ATP11B: variants seen among roughly 807,000 people sequenced by gnomAD.
The protein encoded by ATP11B is ATPase phospholipid transporting 11B (putative).
A neutral mutation model predicts 157.8 loss-of-function variants in ATP11B; 81 were observed. That is an observed-to-expected ratio of 0.51 (90% CI 0.43 to 0.62). ATP11B has a LOEUF of 0.62. ATP11B is among the 20% of genes least tolerant of loss of function. The pLI is 0.00. For synonymous variants in ATP11B, 451 were observed against 469.4 expected (o/e 0.96, Z 0.51); for missense variants, 1,165 against 1,402.2 (o/e 0.83, Z 2.70).
Position 182,918,237 on chromosome 3 carries a change from TATA to T in ATP11B, c.*136_*138del. 1 of 1,288,600 alleles carries T rather than the reference TATA, an allele frequency of 7.8e-7. No homozygotes were observed. Among genetic ancestry groups the T allele is most frequent in the Non-Finnish European group, 1.0e-6 (1 of 957,766 alleles). 79.8% of individuals were successfully genotyped at this position (1,288,600 alleles called of 1,614,324 possible). A position where few individuals can be genotyped will look rare whatever the true frequency, so the allele number is the denominator to read the frequency against. On this transcript the variant is annotated 3_prime_UTR_variant, in exon 30 of 30. Transcript: ENST00000323116. ...GTAGTAGTTCATACCCACTCAGAGTTATAATGGCAAACAAACAGAAAGCATTAG... is the reference window on the plus strand; with the variant it reads ...GTAGTAGTTCATACCCACTCAGAGTTATGGCAAACAAACAGAAAGCATTAG...
At chr3:182,810,398 C>G (rs1716583341) in intron 1 of ATP11B, among the ~76,000 whole-genome samples, 1 of 152,046 alleles carries the variant, frequency 6.6e-6, no homozygotes. Flanking sequence ...AATCATTTCT[C>G]TGCTTAAAGT....
At chr3:182,883,355 T>C (rs1473713719) in intron 21 of ATP11B, among the ~76,000 whole-genome samples, 2 of 151,844 alleles carry the variant, frequency 1.3e-5, no homozygotes, top group African/African-American at 4.8e-5. Flanking sequence ...TCTCCTGGGT[T>C]CAAGCGATTC....
intron 8 of ATP11B, among the ~76,000 whole-genome samples, chr3:182,842,741 G>A (rs907100219): frequency 1.3e-5 from 2 of 152,156 alleles, no homozygotes; most frequent in Non-Finnish European, 2.9e-5. Context: ...CAAGGGCTAT[G>A]GGAGTTATGA....
chr3:182,871,762 T>C (rs2108548997), intron 17 of ATP11B, among the ~76,000 whole-genome samples: 1 of 152,326 alleles, frequency 6.6e-6, no homozygotes, highest in South Asian at 2.1e-4. Flanking sequence ...ATAGTCTTTA[T>C]GATCTATTCT....
At chr3:182,909,820 T>G (rs1247657409) in intron 28 of ATP11B, among the ~76,000 whole-genome samples, 1 of 152,004 alleles carries the variant, frequency 6.6e-6, no homozygotes, top group African/African-American at 2.4e-5. Context: ...TCCTAGCACT[T>G]TGGGAGGCTG....
At chr3:182,806,683 C>T (rs910697132) in intron 1 of ATP11B, among the ~76,000 whole-genome samples, 2 of 152,044 alleles carry the variant, frequency 1.3e-5, no homozygotes, top group African/African-American at 2.4e-5. Context: ...TATTATTGGA[C>T]CTTGTTCATT....
At chr3:182,854,331 A>T (rs968540811) in intron 10 of ATP11B, among the ~76,000 whole-genome samples, 2 of 152,022 alleles carry the variant, frequency 1.3e-5, no homozygotes, top group African/African-American at 2.4e-5. Flanking sequence ...TTAGCCGGGC[A>T]TGGTGGTGCA....
At chr3:182,851,243 A>T (rs890378268) in intron 10 of ATP11B, among the ~76,000 whole-genome samples, 3 of 152,194 alleles carry the variant, frequency 2.0e-5, no homozygotes, top group Non-Finnish European at 4.4e-5. Flanking sequence ...GTGAGCCGAG[A>T]TCGCACCACT....
intron 28 of ATP11B, among the ~76,000 whole-genome samples, chr3:182,911,280 C>A (rs548661826): frequency 2.4e-5 from 3 of 126,128 alleles, no homozygotes; most frequent in Non-Finnish European, 4.8e-5. Context: ...TGCCCCCCCC[C>A]GCTAAGTCCT....
intron 1 of ATP11B, among the ~76,000 whole-genome samples, chr3:182,800,167 T>C (rs1404558756): frequency 6.6e-6 from 1 of 152,086 alleles, no homozygotes; most frequent in East Asian, 1.9e-4. Context: ...TGGATATTTA[T>C]ATGGGAAATA....
intron 21 of ATP11B, among the ~76,000 whole-genome samples, chr3:182,882,077 A>G (rs988245479): frequency 2.6e-5 from 4 of 152,182 alleles, no homozygotes; most frequent in Non-Finnish European, 4.4e-5. Flanking sequence ...AAGTGTGGGC[A>G]TAGGATTTTT....
At chr3:182,806,036 A>T (rs80079943) in intron 1 of ATP11B, among the ~76,000 whole-genome samples, 3,072 of 152,246 alleles carry the variant, frequency 0.02, 46 homozygotes, top group Middle Eastern at 0.031. Flanking sequence ...ATTTAATTTT[A>T]TTCTTGCTGA....
chr3:182,921,442 A>ATGAG lies in ATP11B; in HGVS notation c.*3340_*3343dup, dbSNP rs1310105330. The ATGAG allele has an allele frequency of 6.6e-6, 1 of 152,180 alleles. No individual in the cohort carries two copies. The highest frequency in any genetic ancestry group is 2.4e-5 in the African/African-American group (1 of 41,448). 9.4% of individuals were successfully genotyped at this position (152,180 alleles called of 1,614,324 possible). A position where few individuals can be genotyped will look rare whatever the true frequency, so the allele number is the denominator to read the frequency against. ...ATGGTAATTTAGATTTTTATGAGGA[A>ATGAG]TGAGTATCTGGAAATATTGTAGCAA... On this transcript the variant is annotated 3_prime_UTR_variant, in exon 30 of 30. Transcript: ENST00000323116.
intron 10 of ATP11B, 48 bp from the exon 11 acceptor site, chr3:182,857,830 T>A: frequency 8.4e-7 from 1 of 1,194,994 alleles, no homozygotes; most frequent in Non-Finnish European, 1.2e-6. Context: ...CAAATGAATA[T>A]AGTAATACAT....
intron 28 of ATP11B, among the ~76,000 whole-genome samples, chr3:182,906,777 T>TAA (rs111914016): frequency 7.5e-6 from 1 of 133,702 alleles, no homozygotes; most frequent in African/African-American, 3.2e-5. Context: ...GTATCTGTTT[T>TAA]AAAAAAAAAA....
intron 1 of ATP11B, among the ~76,000 whole-genome samples, chr3:182,794,390 C>T (rs1715464993): frequency 6.6e-6 from 1 of 152,232 alleles, no homozygotes; most frequent in Non-Finnish European, 1.5e-5. Context: ...TGCCAGCTGC[C>T]GGTCTAGCTT....
chr3:182,872,747 C>G (rs1029230833), intron 18 of ATP11B, among the ~76,000 whole-genome samples: 2 of 152,162 alleles, frequency 1.3e-5, no homozygotes, highest in African/African-American at 4.8e-5. Context: ...AACTAGCTCT[C>G]TATAGTTTTT....
chr3:182,844,501 A>G (rs1288813634), intron 8 of ATP11B: 5 of 930,664 alleles, frequency 5.4e-6, no homozygotes, highest in East Asian at 1.2e-4. Context: ...AAGAAGATCA[A>G]TTTCCTTTCT....
chr3:182,913,284 T>C (rs1027629566), intron 28 of ATP11B, among the ~76,000 whole-genome samples: 4 of 152,154 alleles, frequency 2.6e-5, no homozygotes, highest in Non-Finnish European at 5.9e-5. Flanking sequence ...AAGTATGGAG[T>C]GGATCTATGT....
Sources: gnomAD v4.1 joint callset for allele counts (sites outside exome capture counted in the v4.1 genomes callset) on GRCh38, gnomAD v4.1.1 for gene constraint, MANE v1.5 for transcripts, NCBI Gene and HGNC (gene_info 2026-07-23, HGNC 2026-07-21) for gene names.